The following GRM7 variants were observed in gnomAD, a reference collection of about 807,000 sequenced individuals.
GRM7 encodes the protein glutamate metabotropic receptor 7.
A neutral mutation model predicts 84.5 loss-of-function variants in GRM7; 35 were observed. The ratio of observed to expected loss-of-function variants is 0.41; its 90% confidence interval spans 0.32 to 0.55. GRM7 has a LOEUF of 0.55. Among genes scored for constraint, GRM7 ranks in the 20% least tolerant of loss-of-function variants. The pLI, the probability that GRM7 is intolerant of heterozygous loss-of-function variation, is 0.19. For missense variants in GRM7, 1,003 were observed against 1,194.6 expected (o/e 0.84, Z 2.36); for synonymous variants, 487 against 455.1 (o/e 1.07, Z -0.89).
At chr3:7,258,777 G>A (rs1698301500) in intron 2 of GRM7, among the ~76,000 whole-genome samples, 1 of 152,164 alleles carries the variant, frequency 6.6e-6, no homozygotes, top group South Asian at 2.1e-4. Context: ...GGAAAGCTGT[G>A]TTGTGAACTC....
chr3:7,388,719 A>G (rs1156329), intron 4 of GRM7, among the ~76,000 whole-genome samples: 19,346 of 152,042 alleles, frequency 0.13, 1,460 homozygotes, highest in South Asian at 0.3. Flanking sequence ...TTCTTTGTGT[A>G]CATAGAGATG....
intron 2 of GRM7, among the ~76,000 whole-genome samples, chr3:7,241,069 C>CT: frequency 6.6e-6 from 1 of 152,286 alleles, no homozygotes; most frequent in Non-Finnish European, 1.5e-5. Context: ...GCACTCAGAA[C>CT]ATACCCCCAT....
At chr3:6,944,860 TTCTC>T (rs1343352812) in intron 1 of GRM7, among the ~76,000 whole-genome samples, 1 of 152,108 alleles carries the variant, frequency 6.6e-6, no homozygotes, top group African/African-American at 2.4e-5. Context: ...CCTACTCAGG[TTCTC>T]TATTTATTAA....
chr3:7,684,915 G>C (rs1700517380), intron 9 of GRM7, among the ~76,000 whole-genome samples: 1 of 151,870 alleles, frequency 6.6e-6, no homozygotes, highest in Admixed American at 6.5e-5. Context: ...AAAGAACCTG[G>C]CCTCGTTTGA....
At chr3:7,209,757 G>T (rs1420904829) in intron 2 of GRM7, among the ~76,000 whole-genome samples, 1 of 152,190 alleles carries the variant, frequency 6.6e-6, no homozygotes, top group African/African-American at 2.4e-5. Context: ...CGAAGGTAGA[G>T]CAGACCAGAT....
At chr3:7,503,546 A>G (rs904606981) in intron 7 of GRM7, among the ~76,000 whole-genome samples, 3 of 152,158 alleles carry the variant, frequency 2.0e-5, no homozygotes, top group African/African-American at 7.2e-5. Flanking sequence ...TTCTTTTCAA[A>G]TCGATTCTGC....
intron 1 of GRM7, among the ~76,000 whole-genome samples, chr3:6,976,477 A>G (rs1694002713): frequency 6.6e-6 from 1 of 152,216 alleles, no homozygotes; most frequent in Admixed American, 6.5e-5. Context: ...GTCAGTTTGC[A>G]CTTTATTGTT....
intron 1 of GRM7, among the ~76,000 whole-genome samples, chr3:6,889,287 A>C (rs1695835909): frequency 6.6e-6 from 1 of 152,136 alleles, no homozygotes; most frequent in African/African-American, 2.4e-5. Context: ...GAGTGATGAG[A>C]GAGGGCATCC....
At chr3:7,523,600 G>A (rs868110319) in intron 7 of GRM7, among the ~76,000 whole-genome samples, 2 of 152,108 alleles carry the variant, frequency 1.3e-5, no homozygotes, top group Non-Finnish European at 2.9e-5. Context: ...TGAGGGAAAC[G>A]AGCAAATCTG....
At chr3:7,048,001 T>TAAC (rs1696861366) in intron 1 of GRM7, among the ~76,000 whole-genome samples, 2 of 152,036 alleles carry the variant, frequency 1.3e-5, no homozygotes. Flanking sequence ...TGATGTTAAA[T>TAAC]AACTTCCTCT....
intron 9 of GRM7, among the ~76,000 whole-genome samples, chr3:7,738,459 T>A (rs548418067): frequency 4.5e-4 from 69 of 152,296 alleles, no homozygotes; most frequent in African/African-American, 1.4e-3. Context: ...ATTATTTTTA[T>A]ATCCAATTTT....
intron 2 of GRM7, among the ~76,000 whole-genome samples, chr3:7,243,086 C>G (rs1697621030): frequency 6.6e-6 from 1 of 152,120 alleles, no homozygotes; most frequent in Admixed American, 6.6e-5. Context: ...GATGATCATT[C>G]TAAGACACAC....
chr3:7,353,501 T>A (rs1232295550), intron 4 of GRM7, among the ~76,000 whole-genome samples: 1 of 152,054 alleles, frequency 6.6e-6, no homozygotes, highest in Non-Finnish European at 1.5e-5. Flanking sequence ...CCACCATGAA[T>A]GAGCTGGAGA....
intron 4 of GRM7, among the ~76,000 whole-genome samples, chr3:7,400,426 CTCTT>C (rs1169947372): frequency 5.9e-5 from 9 of 152,272 alleles, no homozygotes; most frequent in African/African-American, 2.2e-4. Context: ...AACATCCTGA[CTCTT>C]TATACGGCAG....
chr3:7,645,031 C>A (rs1388627315), intron 8 of GRM7, among the ~76,000 whole-genome samples: 7 of 152,040 alleles, frequency 4.6e-5, no homozygotes, highest in African/African-American at 1.7e-4. Context: ...GTTGAGCATG[C>A]AAACAGGAGA....
At chr3:7,133,643 G>C (rs980539778) in intron 1 of GRM7, among the ~76,000 whole-genome samples, 3 of 152,280 alleles carry the variant, frequency 2.0e-5, no homozygotes, top group South Asian at 2.1e-4. Context: ...TGAGATGCTG[G>C]CTCTTGAGGC....
At chr3:7,548,179 G>A (rs1055587709) in intron 7 of GRM7, among the ~76,000 whole-genome samples, 10 of 152,202 alleles carry the variant, frequency 6.6e-5, no homozygotes, top group Non-Finnish European at 1.5e-5. Context: ...ATAGGTGAAG[G>A]TTCCTCATGA....
intron 1 of GRM7, among the ~76,000 whole-genome samples, chr3:7,104,652 T>C (rs1187218012): frequency 6.6e-6 from 1 of 151,778 alleles, no homozygotes; most frequent in Non-Finnish European, 1.5e-5. Flanking sequence ...CTGGAACTCA[T>C]CAAACATCTC....
At chr3:7,710,137 T>C (rs1046849959) in intron 9 of GRM7, among the ~76,000 whole-genome samples, 1 of 152,140 alleles carries the variant, frequency 6.6e-6, no homozygotes, top group Non-Finnish European at 1.5e-5. Context: ...GGTATACTGT[T>C]CTTAATAGTA....
Sources: allele counts gnomAD v4.1 joint callset (sites outside exome capture counted in the v4.1 genomes callset), GRCh38; gene constraint gnomAD v4.1.1; transcripts MANE v1.5; gene names NCBI Gene and HGNC (gene_info 2026-07-23, HGNC 2026-07-21).